The following UTY variants were observed in gnomAD, a reference collection of about 807,000 sequenced individuals.
UTY encodes histone demethylase UTY.
Under a neutral mutation model 32.5 loss-of-function variants are expected in UTY, and 12 were observed. That is an observed-to-expected ratio of 0.37 (90% CI 0.24 to 0.60). The LOEUF (loss-of-function observed/expected upper bound fraction) is 0.60. Ranked by LOEUF, UTY falls within the 20% of genes least tolerant of loss-of-function variation. The probability of loss-of-function intolerance (pLI) is 0.69; values close to 1 mark genes in which losing one functional copy is unlikely to be tolerated. For missense variants in UTY, 303 were observed against 299.2 expected, an observed-to-expected ratio of 1.01 and a Z score of -0.09; for synonymous variants, 131 against 103.4, an observed-to-expected ratio of 1.27 and a Z score of -1.62.
intron 4 of UTY, among the ~76,000 whole-genome samples, chrY:13,445,102 G>A (rs1301365797): frequency 6.2e-4 from 13 of 21,093 alleles, no homozygotes; most frequent in Non-Finnish European, 1.3e-3. Context: ...ACTGCAGTGA[G>A]CCAAGATCCA....
downstream of UTY, among the ~76,000 whole-genome samples, chrY:13,243,709 G>A: frequency 3.0e-5 from 1 of 33,184 alleles, no homozygotes. Flanking sequence ...TGCTCAACAT[G>A]TCTAAGCATG....
At chrY:13,439,178 C>T (rs2149948201) in intron 4 of UTY, among the ~76,000 whole-genome samples, 1 of 32,985 alleles carries the variant, frequency 3.0e-5, no homozygotes, top group Non-Finnish European at 7.5e-5. Context: ...CTATGGCAAC[C>T]GCACCACAGG....
At chrY:13,260,145 C>T in intron 28 of UTY, 133 bp downstream of exon 28, 1 of 187,286 alleles carries the variant, frequency 5.3e-6, no homozygotes, top group Non-Finnish European at 8.5e-6. Context: ...GAGAACTTAG[C>T]CTAATAGTTT....
chrY:13,457,230 T>C, intron 3 of UTY, among the ~76,000 whole-genome samples: 1 of 33,519 alleles, frequency 3.0e-5, no homozygotes. Context: ...TAAGCTCTTA[T>C]GATACAAAGT....
chrY:13,329,332 T>C (rs2060497441), intron 18 of UTY, among the ~76,000 whole-genome samples: 1 of 33,917 alleles, frequency 2.9e-5, no homozygotes, highest in Non-Finnish European at 7.4e-5. Context: ...TTAATTTGCA[T>C]CTAATTTCAG....
At chrY:13,359,346 G>A in intron 12 of UTY, 124 bp from the exon 13 acceptor site, 2 of 215,418 alleles carry the variant, frequency 9.3e-6, no homozygotes, top group Non-Finnish European at 1.4e-5. Context: ...ATTTTAGGTA[G>A]ATGTTAAATA....
chrY:13,397,782 G>A, intron 6 of UTY, among the ~76,000 whole-genome samples: 1 of 33,544 alleles, frequency 3.0e-5, no homozygotes, highest in Non-Finnish European at 7.4e-5. Context: ...TAGAATAACT[G>A]TTAAAATCAT....
intron 27 of UTY, chrY:13,297,472 T>C (rs2148714784): frequency 5.4e-6 from 1 of 186,300 alleles, no homozygotes; most frequent in Non-Finnish European, 7.9e-6. Context: ...ACATCTTTAT[T>C]CCTCTCTAAA....
chrY:13,255,145 G>A, intron 28 of UTY, among the ~76,000 whole-genome samples: 2 of 33,207 alleles, frequency 6.0e-5, no homozygotes, highest in African/African-American at 2.4e-4. Context: ...TGAAGGGCCC[G>A]ATGGACAACC....
intron 18 of UTY, among the ~76,000 whole-genome samples, chrY:13,333,883 C>G (rs1603414529): frequency 3.0e-5 from 1 of 33,126 alleles, no homozygotes; most frequent in Non-Finnish European, 7.4e-5. Flanking sequence ...TTCCCATGCT[C>G]TAAGCAAGAC....
At chrY:13,431,527 C>T (rs2074000573) in intron 4 of UTY, among the ~76,000 whole-genome samples, 1 of 32,540 alleles carries the variant, frequency 3.1e-5, no homozygotes, top group Non-Finnish European at 7.6e-5. Context: ...TGCAATACTA[C>T]AAAAAGATCA....
At chrY:13,413,429 G>T (rs758255286) in intron 5 of UTY, among the ~76,000 whole-genome samples, 1 of 34,000 alleles carries the variant, frequency 2.9e-5, no homozygotes, top group South Asian at 6.5e-4. Flanking sequence ...CAGGTAATGG[G>T]ACTGAACCAA....
At chrY:13,289,015 T>A in intron 27 of UTY, among the ~76,000 whole-genome samples, 1 of 33,368 alleles carries the variant, frequency 3.0e-5, no homozygotes, top group East Asian at 7.9e-4. Flanking sequence ...TTCCCAGCAA[T>A]AAAAGGATTT....
At chrY:13,253,298 C>CAGCTAA in intron 28 of UTY, among the ~76,000 whole-genome samples, 1 of 33,481 alleles carries the variant, frequency 3.0e-5, no homozygotes, top group South Asian at 6.9e-4. Flanking sequence ...GTTTATGTAC[C>CAGCTAA]AGCTAAAGCT....
intron 4 of UTY, among the ~76,000 whole-genome samples, chrY:13,424,124 A>G: frequency 3.0e-5 from 1 of 33,492 alleles, no homozygotes; most frequent in African/African-American, 1.2e-4. Flanking sequence ...TAGAGAGAGA[A>G]TGGCTGGATG....
intron 21 of UTY, among the ~76,000 whole-genome samples, chrY:13,314,640 T>C (rs2059386711): frequency 3.0e-5 from 1 of 33,351 alleles, no homozygotes; most frequent in African/African-American, 1.2e-4. Flanking sequence ...AAACGAGATA[T>C]TTACATGCAA....
intron 21 of UTY, among the ~76,000 whole-genome samples, chrY:13,316,901 G>A: frequency 3.0e-5 from 1 of 33,649 alleles, no homozygotes; most frequent in Non-Finnish European, 7.4e-5. Flanking sequence ...GGGCTTTGTT[G>A]ATGTAAAAGT....
chrY:13,364,064 C>G, intron 10 of UTY, among the ~76,000 whole-genome samples: 1 of 31,669 alleles, frequency 3.2e-5, no homozygotes, highest in African/African-American at 1.2e-4. Flanking sequence ...TTATCATTAA[C>G]AGAAGACCAA....
chrY:13,436,637 G>A (rs2074572947), intron 4 of UTY, among the ~76,000 whole-genome samples: 1 of 32,296 alleles, frequency 3.1e-5, no homozygotes, highest in Non-Finnish European at 7.6e-5. Context: ...TGGGGAATAT[G>A]GAGTAAAGCT....
Sources: allele counts gnomAD v4.1 joint callset (sites outside exome capture counted in the v4.1 genomes callset), GRCh38; gene constraint gnomAD v4.1.1; transcripts MANE v1.5; gene names NCBI Gene and HGNC (gene_info 2026-07-23, HGNC 2026-07-21).